The following ASCC3 variants were observed in gnomAD, a reference collection of about 807,000 sequenced individuals.
ASCC3 encodes the protein ASC-1 complex subunit P200.
In ASCC3, 158 loss-of-function variants were observed where a neutral mutation model predicts 256.3. The observed-to-expected ratio is 0.62, with a 90% CI of 0.54 to 0.70. The LOEUF (loss-of-function observed/expected upper bound fraction) is 0.70. Among genes scored for constraint, ASCC3 ranks in the 30% least tolerant of loss-of-function variants. The pLI is 0.00. For synonymous variants in ASCC3, 948 were observed against 883.4 expected (o/e 1.07, Z -1.30); for missense variants, 2,259 against 2,626.0 (o/e 0.86, Z 3.05).
intron 36 of ASCC3, among the ~76,000 whole-genome samples, chr6:100,569,020 C>T (rs1770438473): frequency 6.6e-6 from 1 of 152,000 alleles, no homozygotes; most frequent in African/African-American, 2.4e-5. Context: ...ATCTCGTGAT[C>T]TGATTGCCTC....
intron 36 of ASCC3, among the ~76,000 whole-genome samples, chr6:100,573,989 T>G (rs1306337471): frequency 6.6e-6 from 1 of 152,096 alleles, no homozygotes; most frequent in Non-Finnish European, 1.5e-5. Context: ...TGTCAGCAAC[T>G]CCTTTTGCCT....
chr6:100,634,741 G>T (rs866586281), intron 25 of ASCC3, among the ~76,000 whole-genome samples: 2 of 151,510 alleles, frequency 1.3e-5, no homozygotes, highest in East Asian at 3.9e-4. Flanking sequence ...ACAAAAGACA[G>T]CCGGGCATGT....
chr6:100,662,105 T>C, intron 15 of ASCC3, 75 bp from the exon 16 acceptor site: 5 of 1,412,782 alleles, frequency 3.5e-6, no homozygotes, highest in Non-Finnish European at 5.0e-6. Context: ...ATACTGAAAT[T>C]AGGCAAATAT....
chr6:100,732,048 C>T (rs373279000), intron 10 of ASCC3, among the ~76,000 whole-genome samples: 2 of 151,930 alleles, frequency 1.3e-5, no homozygotes, highest in South Asian at 2.1e-4. Flanking sequence ...GTAATCCCAA[C>T]TACTTGGGAG....
intron 4 of ASCC3, among the ~76,000 whole-genome samples, chr6:100,822,087 T>C (rs1771075241): frequency 6.6e-6 from 1 of 152,118 alleles, no homozygotes; most frequent in African/African-American, 2.4e-5. Context: ...TGCTCTAAAA[T>C]TGACTGTGGT....
At chr6:100,808,919 A>G (rs941430517) in intron 4 of ASCC3, among the ~76,000 whole-genome samples, 1 of 151,964 alleles carries the variant, frequency 6.6e-6, no homozygotes, top group African/African-American at 2.4e-5. Context: ...ACTGACATGC[A>G]ATGGTAAGTA....
At chr6:100,858,519 T>C (rs1279276836) in intron 3 of ASCC3, 3 of 908,968 alleles carry the variant, frequency 3.3e-6, no homozygotes, top group Non-Finnish European at 3.9e-6. Flanking sequence ...TTTTTTATCA[T>C]AAGTAATGTT....
intron 10 of ASCC3, among the ~76,000 whole-genome samples, chr6:100,763,791 C>T (rs1259335618): frequency 6.6e-6 from 1 of 152,168 alleles, no homozygotes; most frequent in African/African-American, 2.4e-5. Context: ...ATGCAAATGT[C>T]CCCCGCTTAT....
intron 29 of ASCC3, among the ~76,000 whole-genome samples, chr6:100,626,163 G>GT (rs1173485452): frequency 6.6e-6 from 1 of 150,692 alleles, no homozygotes; most frequent in African/African-American, 2.4e-5. Context: ...TTGTTTGTTT[G>GT]TTTTTTGCTT....
At chr6:100,846,622 C>A (rs1382227237) in intron 4 of ASCC3, among the ~76,000 whole-genome samples, 1 of 152,188 alleles carries the variant, frequency 6.6e-6, no homozygotes, top group Non-Finnish European at 1.5e-5. Flanking sequence ...TCCACCTTTG[C>A]ATCTTGCATG....
At chr6:100,603,534 A>G (rs533525591) in intron 33 of ASCC3, among the ~76,000 whole-genome samples, 6 of 152,182 alleles carry the variant, frequency 3.9e-5, no homozygotes, top group African/African-American at 1.4e-4. Flanking sequence ...TCCTATCTCA[A>G]AGGGAAAGCT....
At chr6:100,844,206 C>G (rs946650383) in intron 4 of ASCC3, among the ~76,000 whole-genome samples, 1 of 149,464 alleles carries the variant, frequency 6.7e-6, no homozygotes, top group Middle Eastern at 3.4e-3. Context: ...GAAAAAAAGT[C>G]CCAGAATTTC....
intron 10 of ASCC3, among the ~76,000 whole-genome samples, chr6:100,749,411 C>T (rs899472829): frequency 2.6e-5 from 4 of 151,928 alleles, no homozygotes; most frequent in African/African-American, 9.7e-5. Flanking sequence ...ATATACTAAA[C>T]ATCTCTGTAA....
At chr6:100,735,325 A>C (rs1780098816) in intron 10 of ASCC3, among the ~76,000 whole-genome samples, 1 of 152,204 alleles carries the variant, frequency 6.6e-6, no homozygotes, top group Non-Finnish European at 1.5e-5. Context: ...TGCAAGGTTG[A>C]GAGCTGAAGT....
intron 25 of ASCC3, among the ~76,000 whole-genome samples, chr6:100,631,483 C>G (rs533162452): frequency 7.1e-4 from 107 of 151,594 alleles, no homozygotes; most frequent in African/African-American, 2.5e-3. Flanking sequence ...TTTAAAAAAG[C>G]ATCAGAGGTA....
At chr6:100,825,538 T>G (rs1486652287) in intron 4 of ASCC3, among the ~76,000 whole-genome samples, 2 of 152,158 alleles carry the variant, frequency 1.3e-5, no homozygotes, top group Non-Finnish European at 2.9e-5. Flanking sequence ...CTTTAACAGT[T>G]TTTCCATCAT....
At chr6:100,572,046 T>C (rs1418387828) in intron 36 of ASCC3, among the ~76,000 whole-genome samples, 1 of 152,188 alleles carries the variant, frequency 6.6e-6, no homozygotes, top group Non-Finnish European at 1.5e-5. Flanking sequence ...ATAGTAAGAC[T>C]TGTGAGAAAA....
chr6:100,653,402 G>A (rs757587328), intron 17 of ASCC3, among the ~76,000 whole-genome samples: 63 of 152,056 alleles, frequency 4.1e-4, no homozygotes, highest in Non-Finnish European at 7.6e-4. Context: ...CACTTTGGGA[G>A]GCCAAGGTGG....
intron 4 of ASCC3, among the ~76,000 whole-genome samples, chr6:100,842,065 C>A (rs1324268848): frequency 6.6e-6 from 1 of 152,044 alleles, no homozygotes; most frequent in Non-Finnish European, 1.5e-5. Flanking sequence ...GATGAAAAGA[C>A]AACAAAAAAC....
Sources: gnomAD v4.1 joint callset for allele counts (sites outside exome capture counted in the v4.1 genomes callset) on GRCh38, gnomAD v4.1.1 for gene constraint, MANE v1.5 for transcripts, NCBI Gene and HGNC (gene_info 2026-07-23, HGNC 2026-07-21) for gene names.